ABCA13: variants seen among roughly 807,000 people sequenced by gnomAD.
ABCA13 encodes the protein ATP-binding cassette sub-family A member 13.
ABCA13 carries 476 observed loss-of-function variants against 478.7 expected under a neutral mutation model. The ratio of observed to expected loss-of-function variants is 0.99; its 90% CI spans 0.92 to 1.07. ABCA13 has a LOEUF of 1.07. Ranked by LOEUF, ABCA13 falls within the 50% of genes least tolerant of loss-of-function variation. The pLI, the probability that ABCA13 is intolerant of heterozygous loss-of-function variation, is 0.00. For synonymous variants in ABCA13, 2,252 were observed against 2,158.9 expected (o/e 1.04, Z -1.20); for missense variants, 6,060 against 5,910.6 (o/e 1.03, Z -0.83).
rs1047202921 is a variant in ABCA13, at chr7:48,275,898, C to T, written c.6232C>T (p.Leu2078=). 6.2e-7 allele frequency: 1 copy of T among 1,613,556 alleles called. No homozygotes were observed. The highest frequency in any genetic ancestry group is 2.2e-5 in the East Asian group (1 of 44,828). The change falls in exon 17 of 62, where the codon CTG becomes TTG. Residue 2078 remains leucine (L), a synonymous_variant. Coordinates refer to ENST00000435803, the MANE Select transcript of ABCA13 (RefSeq NM_152701.5). ...AACCCAAGATTTTAGAATCAGACAC[C>T]TGCTTTCTGAAATGAACAAAGGAAT... ...DLTQDFRIRH[L]LSEMNKGIKS... is the part of the protein sequence containing the mutation.
intron 48 of ABCA13, among the ~76,000 whole-genome samples, chr7:48,497,696 C>T (rs1830394891): frequency 1.4e-5 from 2 of 141,406 alleles, no homozygotes; most frequent in Admixed American, 7.0e-5. Flanking sequence ...GCCCACCAGC[C>T]TCACTGACAC....
chr7:48,235,437 G>A (rs1257740729), intron 8 of ABCA13, among the ~76,000 whole-genome samples: 2 of 152,224 alleles, frequency 1.3e-5, no homozygotes, highest in Non-Finnish European at 2.9e-5. Flanking sequence ...TAAAAGGAAA[G>A]TGATCAGAAA....
At chr7:48,222,978 A>G (rs1787595355) in intron 5 of ABCA13, among the ~76,000 whole-genome samples, 1 of 152,176 alleles carries the variant, frequency 6.6e-6, no homozygotes, top group South Asian at 2.1e-4. Context: ...GAACAGACGC[A>G]CAGTTAGTGA....
At chr7:48,570,700 T>TA (rs939948908) in intron 55 of ABCA13, among the ~76,000 whole-genome samples, 4 of 151,398 alleles carry the variant, frequency 2.6e-5, no homozygotes, top group African/African-American at 7.3e-5. Flanking sequence ...GTTGGATAAT[T>TA]AAAAAAAAAT....
At position 48,282,398 on chromosome 7, in the gene ABCA13, G is replaced by A. The variant is rs114832744; in HGVS notation, c.8836+946G>A. ...AGTCTCCTGAGCAGGGCTGCCCAGA[G>A]CCCCCTCAGTGGGCTACTGGGCCTG... On this transcript the variant is annotated intron_variant, in intron 19 of 61. Transcript: ENST00000435803. 4.4e-3 allele frequency among the ~76,000 whole-genome samples: 668 copies of A among 152,304 alleles called. 6 individuals are homozygous for A. Among genetic ancestry groups the A allele is most frequent in the African/African-American group, 0.015 (638 of 41,550 alleles).
chr7:48,288,473 C>A (rs1368477710), intron 20 of ABCA13, among the ~76,000 whole-genome samples: 2 of 152,274 alleles, frequency 1.3e-5, no homozygotes, highest in East Asian at 1.9e-4. Context: ...TATCTCTCTT[C>A]CTGAGATGAT....
At chr7:48,241,877 CT>C (rs1438246972) in intron 10 of ABCA13, among the ~76,000 whole-genome samples, 2 of 152,120 alleles carry the variant, frequency 1.3e-5, no homozygotes, top group African/African-American at 4.8e-5. Flanking sequence ...CAGGATCTTG[CT>C]TTTGAAGGTC....
rs750967945 is a variant in ABCA13, at chr7:48,171,514, C to G, written c.31C>G (p.Leu11Val). 9.1e-6 allele frequency: 14 copies of G among 1,536,342 alleles called. No homozygotes were observed. The South Asian group carries it at 1.7e-4, about 18-fold the overall frequency. The change falls in exon 1 of 62, where the codon CTG becomes GTG. Residue 11 changes from leucine to valine, a missense_variant. By Grantham distance (32) the Leu-to-Val change is conservative. This residue lies in a region of ABCA13 where 4,423 missense variants were observed against 4,309.1 expected (regional missense o/e 1.03). Transcript: ENST00000435803. The part of the protein sequence containing the change: MGHAGCQFKA[L>V]LWKNWLCRLR... ...GCATGCCGGGTGCCAGTTCAAAGCC[C>G]TGCTGTGGAAGAATTGGCTCTGCAG...
intron 20 of ABCA13, among the ~76,000 whole-genome samples, chr7:48,293,572 G>T (rs1474597665): frequency 6.6e-6 from 1 of 152,088 alleles, no homozygotes; most frequent in Admixed American, 6.5e-5. Flanking sequence ...AAGTATTTAT[G>T]GTAGAATAGC....
intron 55 of ABCA13, among the ~76,000 whole-genome samples, chr7:48,533,557 G>C (rs1833379564): frequency 6.6e-6 from 1 of 152,056 alleles, no homozygotes; most frequent in Non-Finnish European, 1.5e-5. Flanking sequence ...TTGACTTTCT[G>C]TCTTGGTGAC....
At chr7:48,570,494 T>C (rs1280096820) in intron 55 of ABCA13, among the ~76,000 whole-genome samples, 1 of 151,862 alleles carries the variant, frequency 6.6e-6, no homozygotes, top group African/African-American at 2.4e-5. Context: ...CTGGCCAATT[T>C]TTTGTTTTTT....
chr7:48,415,026 A>G (rs774019596), intron 41 of ABCA13, among the ~76,000 whole-genome samples: 34 of 152,212 alleles, frequency 2.2e-4, no homozygotes, highest in Admixed American at 6.5e-4. Flanking sequence ...ATGTAGAACA[A>G]GAAGGAATTT....
chr7:48,304,144 A>G (rs1800557005), intron 23 of ABCA13, among the ~76,000 whole-genome samples: 2 of 152,228 alleles, frequency 1.3e-5, no homozygotes, highest in Non-Finnish European at 1.5e-5. Flanking sequence ...ATTATTATCT[A>G]TTAGTAATTT....
chr7:48,266,394 G>A (rs1403658605), intron 15 of ABCA13, among the ~76,000 whole-genome samples: 2 of 151,630 alleles, frequency 1.3e-5, no homozygotes, highest in African/African-American at 4.8e-5. Flanking sequence ...AGCCATCTAG[G>A]CTTTTAGGGT....
intron 45 of ABCA13, among the ~76,000 whole-genome samples, chr7:48,476,448 G>T (rs952167782): frequency 2.0e-5 from 3 of 152,058 alleles, no homozygotes; most frequent in Non-Finnish European, 2.9e-5. Context: ...AAGCAATTCC[G>T]CTGTAATTTG....
At chr7:48,411,198 T>C (rs1273087813) in intron 40 of ABCA13, among the ~76,000 whole-genome samples, 2 of 142,258 alleles carry the variant, frequency 1.4e-5, no homozygotes, top group African/African-American at 5.1e-5. Flanking sequence ...TCTTTCCTTT[T>C]CTTTTCTTTC....
At chr7:48,255,141 A>T (rs1040413631) in intron 15 of ABCA13, among the ~76,000 whole-genome samples, 2 of 152,158 alleles carry the variant, frequency 1.3e-5, no homozygotes, top group African/African-American at 4.8e-5. Context: ...CCAATTTAGA[A>T]TTCAAAGCTG....
chr7:48,494,392 C>G (rs1363301850), intron 48 of ABCA13, among the ~76,000 whole-genome samples: 1 of 152,084 alleles, frequency 6.6e-6, no homozygotes, highest in Non-Finnish European at 1.5e-5. Flanking sequence ...CGGCTGGCAT[C>G]CATAACCTTC....
rs993621134 is a variant in ABCA13 at position 48,335,339 on chromosome 7, C to T, written c.10000-83C>T. On this transcript the variant is annotated intron_variant, in intron 27 of 61. Coordinates refer to ENST00000435803, the MANE Select transcript of ABCA13 (RefSeq NM_152701.5). Reference sequence around the variant, plus strand: ...AGGCAGATCTTTGCTCTGGTGGCCACATCATATACAGTCCTTGTTGGAAGA... The same window carrying T: ...AGGCAGATCTTTGCTCTGGTGGCCATATCATATACAGTCCTTGTTGGAAGA... The T allele has an allele frequency of 1.5e-5, 15 of 1,003,838 alleles. No individual in the cohort carries two copies. In the South Asian group the frequency reaches 2.1e-4, roughly 14 times the overall value. 62.2% of individuals were successfully genotyped at this position (1,003,838 alleles called of 1,614,324 possible).
Sources: gnomAD v4.1 joint callset for allele counts (sites outside exome capture counted in the v4.1 genomes callset) on GRCh38, gnomAD v4.1.1 for gene constraint, gnomAD v4.1.1 regional missense constraint, MANE v1.5 for transcripts, NCBI Gene and HGNC (gene_info 2026-07-23, HGNC 2026-07-21) for gene names.